Variants in ZNF124 observed in about 807,000 individuals in gnomAD.
ZNF124 encodes the protein zinc finger protein HZF-16.
ZNF124 carries 25 observed loss-of-function variants against 26.6 expected under a neutral mutation model. That is an observed-to-expected ratio of 0.94 (90% CI 0.68 to 1.31). The LOEUF (loss-of-function observed/expected upper bound fraction) is 1.31, where lower values mean the gene tolerates loss of function less well. Ranked by LOEUF, ZNF124 falls within the 40% of genes most tolerant of loss-of-function variation. The pLI, the probability that ZNF124 is intolerant of heterozygous loss-of-function variation, is 0.00. For missense variants in ZNF124, 444 were observed against 422.2 expected (o/e 1.05, Z -0.45); for synonymous variants, 129 against 133.3 (o/e 0.97, Z 0.22).
chr1:247,137,990 C>A (rs143517119), intron 3 of ZNF124, among the ~76,000 whole-genome samples: 143 of 152,262 alleles, frequency 9.4e-4, no homozygotes, highest in Non-Finnish European at 3.1e-4. Context: ...AATAGGAACG[C>A]TTTTACACTG....
intron 1 of ZNF124, among the ~76,000 whole-genome samples, chr1:247,165,802 A>G (rs1243640442): frequency 6.6e-6 from 1 of 152,218 alleles, no homozygotes; most frequent in African/African-American, 2.4e-5. Flanking sequence ...AAAAATGAAC[A>G]TTATCACTCA....
chr1:247,127,558 C>T (rs199698208), intron 3 of ZNF124, among the ~76,000 whole-genome samples: 2,366 of 134,710 alleles, frequency 0.018, no homozygotes, highest in East Asian at 0.063. Flanking sequence ...GACAGCCCGG[C>T]GCCGCGTCCT....
At chr1:247,138,388 G>T in intron 3 of ZNF124, 1 of 173,804 alleles carries the variant, frequency 5.8e-6, no homozygotes, top group Non-Finnish European at 1.2e-5. Flanking sequence ...AACACTGCAC[G>T]TTCTCACTCA....
chr1:247,156,431 A>G lies in ZNF124; in HGVS notation c.*135T>C. ...CTTATTGCTTATAGTCATAGGGTTT[A>G]TCTCCAGTTTGATTCGTTTCATGTA... On this transcript the variant is annotated 3_prime_UTR_variant, in exon 4 of 4. Coordinates refer to ENST00000543802, the MANE Select transcript of ZNF124 (RefSeq NM_001297568.2). The G allele has an allele frequency of 7.5e-7, 1 of 1,339,140 alleles. No individual in the cohort carries two copies. Among genetic ancestry groups the G allele is most frequent in the Admixed American group, 3.6e-5 (1 of 28,110 alleles). 83.0% of individuals were successfully genotyped at this position (1,339,140 alleles called of 1,614,324 possible). A position where few individuals can be genotyped will look rare whatever the true frequency, so the allele number is the denominator to read the frequency against.
At position 247,159,674 on chromosome 1, in the gene ZNF124, T is replaced by C. The variant is rs200240012; in HGVS notation, c.157+13A>G. On this transcript the variant is annotated intron_variant, in intron 2 of 3. Coordinates refer to ENST00000543802, the MANE Select transcript of ZNF124 (RefSeq NM_001297568.2). ...TTCTGATTGACTAAGTGAAGAAATA[T>C]TGTGATTCTTACCTATGGAAGCCAG... is the stretch of plus-strand genomic sequence containing the variant. 150 of 1,607,194 alleles carry C rather than the reference T, an allele frequency of 9.3e-5. No individual in the cohort carries two copies. In the African/African-American group the frequency reaches 1.8e-3, roughly 19 times the overall value.
chr1:247,146,942 G>A (rs1195697877), intron 3 of ZNF124, among the ~76,000 whole-genome samples: 7 of 152,228 alleles, frequency 4.6e-5, no homozygotes, highest in Non-Finnish European at 8.8e-5. Context: ...GGATGATAAT[G>A]GGAGGTCTGG....
At chr1:247,134,308 G>C (rs956056685) in intron 3 of ZNF124, among the ~76,000 whole-genome samples, 1 of 152,146 alleles carries the variant, frequency 6.6e-6, no homozygotes, top group African/African-American at 2.4e-5. Context: ...ACTTGGACTG[G>C]CAAATTGGAT....
In ZNF124 at chr1:247,155,600, G is replaced by T. The variant is rs938524282; in HGVS notation, c.*966C>A. Among the ~76,000 whole-genome samples, 5 of 152,030 alleles carry T rather than the reference G, an allele frequency of 3.3e-5. No homozygotes were observed. Among genetic ancestry groups the T allele is most frequent in the Non-Finnish European group, 5.9e-5 (4 of 67,988 alleles). On this transcript the variant is annotated 3_prime_UTR_variant, in exon 4 of 4. Transcript: ENST00000543802. ...GCCTCAGCTGGGCGTGGTGGCTCACGCCTGTAATCCCAGCACTTTGGGAGG... is the reference window on the plus strand; with the variant it reads ...GCCTCAGCTGGGCGTGGTGGCTCACTCCTGTAATCCCAGCACTTTGGGAGG...
chr1:247,166,427 C>T (rs1301158427), intron 1 of ZNF124, among the ~76,000 whole-genome samples: 2 of 152,164 alleles, frequency 1.3e-5, no homozygotes, highest in Admixed American at 1.3e-4. Context: ...TTCACTGTAG[C>T]ATTATTCACA....
chr1:247,132,706 A>T (rs1029141211), intron 3 of ZNF124, among the ~76,000 whole-genome samples: 4 of 152,130 alleles, frequency 2.6e-5, no homozygotes, highest in African/African-American at 7.2e-5. Flanking sequence ...CCCTGACCTA[A>T]CCGGTTGTGT....
At chr1:247,165,620 G>A (rs766299614) in intron 1 of ZNF124, among the ~76,000 whole-genome samples, 1 of 152,116 alleles carries the variant, frequency 6.6e-6, no homozygotes, top group Non-Finnish European at 1.5e-5. Flanking sequence ...GGATTAAACA[G>A]AGAACCTACA....
chr1:247,145,753 C>T (rs1013256321), intron 3 of ZNF124, among the ~76,000 whole-genome samples: 5 of 152,146 alleles, frequency 3.3e-5, no homozygotes, highest in East Asian at 3.9e-4. Context: ...TTCAGCCTCC[C>T]GAGTAGCTGG....
rs551684306 is a variant in ZNF124 at position 247,143,444 on chromosome 1, TC to T, written c.218+15561del. Among the ~76,000 whole-genome samples, 713 of 152,134 alleles carry T rather than the reference TC, an allele frequency of 4.7e-3. 10 individuals are homozygous for T. The highest frequency in any genetic ancestry group is 0.016 in the African/African-American group (654 of 41,504). On this transcript the variant is annotated intron_variant, in intron 3 of 3. Coordinates refer to the ZNF124 transcript ENST00000472531. The stretch of plus-strand genomic sequence containing the variant: ...CCGGAAGGTGACGGATGAACATGTG[TC>T]CTGGTATTCTGATCTACAGAAATCC...
intron 1 of ZNF124, 165 bp from the exon 2 acceptor site, chr1:247,159,978 T>TA: frequency 1.9e-4 from 71 of 366,286 alleles, no homozygotes; most frequent in Non-Finnish European, 2.8e-4. Flanking sequence ...ACATAGCAGT[T>TA]CTTTTTTTTT....
In ZNF124 at chr1:247,157,320, T is replaced by A; in HGVS notation, c.302A>T (p.Lys101Ile). 1 of 1,581,406 alleles carries A rather than the reference T, an allele frequency of 6.3e-7. No homozygotes were observed. Among genetic ancestry groups the A allele is most frequent in the East Asian group, 2.3e-5 (1 of 43,346 alleles). ...KKPCTCKQCQ[K>I]TSLSVTRVHR... ...AACCCTTGTGACAGAAAGGGAAGTTTTCTGACATTGTTTACATGTACATGG... is the reference window on the plus strand; with the variant it reads ...AACCCTTGTGACAGAAAGGGAAGTTATCTGACATTGTTTACATGTACATGG... The change falls in exon 4 of 4, where the codon AAA becomes ATA. Residue 101 changes from lysine to isoleucine, a missense_variant. Transcript: ENST00000543802.
intron 3 of ZNF124, chr1:247,123,990 G>C (rs1357812990): frequency 2.9e-6 from 2 of 685,306 alleles, no homozygotes; most frequent in East Asian, 5.4e-5. Context: ...CACCACGCCC[G>C]GCTAATTTTT....
At chr1:247,130,235 A>G (rs1409182260) in intron 3 of ZNF124, among the ~76,000 whole-genome samples, 1 of 152,220 alleles carries the variant, frequency 6.6e-6, no homozygotes, top group Non-Finnish European at 1.5e-5. Context: ...CTAGTCATAT[A>G]TTTCATTTGT....
Position 247,168,599 on chromosome 1 carries a change from C to A in ZNF124, c.30+3249G>T, listed in dbSNP as rs910473512. On this transcript the variant is annotated intron_variant, in intron 1 of 3. Transcript: ENST00000543802. This position sits in a 1 kb window ranked among gnomAD's most constrained non-coding sequence, Gnocchi z 4.0. ...TTAACAGTAGCACAATTTGCCACTGCAAAAATATGAAACAAACCTAAAATG... is the reference window on the plus strand; with the variant it reads ...TTAACAGTAGCACAATTTGCCACTGAAAAAATATGAAACAAACCTAAAATG... 5.9e-5 allele frequency among the ~76,000 whole-genome samples: 9 copies of A among 152,020 alleles called. No individual in the cohort carries two copies. The highest frequency in any genetic ancestry group is 2.2e-4 in the African/African-American group (9 of 41,382).
chr1:247,124,860 T>C (rs1672169416), intron 3 of ZNF124, among the ~76,000 whole-genome samples: 1 of 152,154 alleles, frequency 6.6e-6, no homozygotes, highest in African/African-American at 2.4e-5. Flanking sequence ...TGCAGTGGTG[T>C]GATCATGGCT....
Sources: allele counts gnomAD v4.1 joint callset (sites outside exome capture counted in the v4.1 genomes callset), GRCh38; gene constraint gnomAD v4.1.1; non-coding constraint Gnocchi (gnomAD v3.1); transcripts MANE v1.5; gene names NCBI Gene and HGNC (gene_info 2026-07-23, HGNC 2026-07-21).